The following NKD1 variants were observed in gnomAD, a reference collection of about 807,000 sequenced individuals.
NKD1 encodes NKD inhibitor of Wnt signaling pathway 1.
Under a neutral mutation model 56.0 loss-of-function variants are expected in NKD1, and 21 were observed. The observed-to-expected ratio is 0.38, with a 90% CI of 0.27 to 0.54. The LOEUF (loss-of-function observed/expected upper bound fraction) is 0.54. Ranked by LOEUF, NKD1 falls within the 20% of genes least tolerant of loss-of-function variation. NKD1 has a pLI of 0.82. For missense variants in NKD1, 578 were observed against 642.7 expected (o/e 0.90, Z 1.09); for synonymous variants, 263 against 265.7 (o/e 0.99, Z 0.10).
At chr16:50,561,049 G>C (rs774089586) in intron 3 of NKD1, among the ~76,000 whole-genome samples, 2 of 152,168 alleles carry the variant, frequency 1.3e-5, no homozygotes, top group Admixed American at 6.5e-5. Flanking sequence ...TTTCTGAGCT[G>C]TTTGGTTTGT....
At chr16:50,616,740 G>A (rs1191496768) in intron 4 of NKD1, among the ~76,000 whole-genome samples, 1 of 152,198 alleles carries the variant, frequency 6.6e-6, no homozygotes, top group Non-Finnish European at 1.5e-5. Flanking sequence ...GTGCTAGACT[G>A]AATGGCGGGA....
chr16:50,594,862 G>T (rs368687797), intron 3 of NKD1, among the ~76,000 whole-genome samples: 1 of 152,180 alleles, frequency 6.6e-6, no homozygotes. Flanking sequence ...GAGGTGGACT[G>T]CTATCAAAGG....
At chr16:50,577,166 A>T (rs1384411541) in intron 3 of NKD1, among the ~76,000 whole-genome samples, 1 of 152,190 alleles carries the variant, frequency 6.6e-6, no homozygotes, top group African/African-American at 2.4e-5. Context: ...ACCTTGGCCA[A>T]GTCACTACAC....
chr16:50,620,298 G>A (rs2151278513), intron 4 of NKD1, among the ~76,000 whole-genome samples: 1 of 152,360 alleles, frequency 6.6e-6, no homozygotes, highest in African/African-American at 2.4e-5. Flanking sequence ...GACTGCCCTT[G>A]GGTCCTTGCT....
In NKD1 at chr16:50,560,823, CATCTATCT is replaced by C. The variant is rs150440223; in HGVS notation, c.192+11302_192+11309del. The stretch of plus-strand genomic sequence containing the variant: ...CTTTACACACACCTATACCCAAACC[CATCTATCT>C]ATCTATCTATCTATCTATCTATCTA... On this transcript the variant is annotated intron_variant, in intron 3 of 9. Coordinates refer to ENST00000268459, the MANE Select transcript of NKD1 (RefSeq NM_033119.5). 1.1e-4 allele frequency among the ~76,000 whole-genome samples: 16 copies of C among 148,660 alleles called. No homozygotes were observed. The East Asian group carries it at 1.2e-3, about 11-fold the overall frequency.
In NKD1 at chr16:50,630,123, G is replaced by A. The variant is rs144511478; in HGVS notation, c.463-63G>A. 4,147 of 1,527,956 alleles carry A rather than the reference G, an allele frequency of 2.7e-3. 25 individuals carry two copies. The highest frequency in any genetic ancestry group is 0.011 in the Middle Eastern group (65 of 5,842). 94.6% of individuals were successfully genotyped at this position (1,527,956 alleles called of 1,614,324 possible). A position where few individuals can be genotyped will look rare whatever the true frequency, so the allele number is the denominator to read the frequency against. ...CCTGCAGCGTCCACCAGGCCCTCTG[G>A]TTTGTATTTTCAAGGCCCTGTGACT... On this transcript the variant is annotated intron_variant, in intron 6 of 9. Transcript: ENST00000268459.
At chr16:50,563,203 C>T (rs974807524) in intron 3 of NKD1, among the ~76,000 whole-genome samples, 1 of 152,256 alleles carries the variant, frequency 6.6e-6, no homozygotes, top group Non-Finnish European at 1.5e-5. Flanking sequence ...ACTTAAATAG[C>T]CCCATGAGGC....
chr16:50,632,412 A>G lies in NKD1; in HGVS notation c.823+4A>G. 1.2e-6 allele frequency: 2 copies of G among 1,614,124 alleles called. No homozygotes were observed. The highest frequency in any genetic ancestry group is 1.7e-6 in the Non-Finnish European group (2 of 1,179,984). On this transcript the variant is annotated splice_donor_region_variant and intron_variant, in intron 9 of 9. Transcript: ENST00000268459. This position sits in a 1 kb window ranked among gnomAD's most constrained non-coding sequence, Gnocchi z 4.1. Reference sequence around the variant, plus strand: ...TACACGTCCCAATTTGGGCCTGGTAAGGGACTCAAGCACCCTGCAATGGGC... The same window carrying G: ...TACACGTCCCAATTTGGGCCTGGTAGGGGACTCAAGCACCCTGCAATGGGC...
At position 50,642,777 on chromosome 16, in the gene NKD1, G is replaced by A. The variant is rs932549222; in HGVS notation, c.*8996G>A. 2.0e-5 allele frequency: 3 copies of A among 152,236 alleles called. No homozygotes were observed. The highest frequency in any genetic ancestry group is 1.9e-4 in the East Asian group (1 of 5,200). 9.4% of individuals were successfully genotyped at this position (152,236 alleles called of 1,614,324 possible). A position where few individuals can be genotyped will look rare whatever the true frequency, so the allele number is the denominator to read the frequency against. ...ATGAAGGGTACCTGTCCTCCACCCCGGCTGCAGAGCCCCCAGTGAGACAGC... is the reference window on the plus strand; with the variant it reads ...ATGAAGGGTACCTGTCCTCCACCCCAGCTGCAGAGCCCCCAGTGAGACAGC... On this transcript the variant is annotated 3_prime_UTR_variant, in exon 10 of 10. Transcript: ENST00000268459.
rs552598000 is a variant in NKD1, at chr16:50,617,315, G to A, written c.260-4287G>A. Among the ~76,000 whole-genome samples the A allele has an allele frequency of 3.9e-5, 6 of 152,218 alleles. No individual in the cohort carries two copies. The South Asian group carries it at 1.2e-3, about 32-fold the overall frequency. On this transcript the variant is annotated intron_variant, in intron 4 of 9. Coordinates refer to ENST00000268459, the MANE Select transcript of NKD1 (RefSeq NM_033119.5). ...CCTCCCTTTTTTAAACTGGGGGAGG[G>A]GAGAGGGAAGAGACTGTCTTTGATC... is the stretch of plus-strand genomic sequence containing the variant.
intron 4 of NKD1, among the ~76,000 whole-genome samples, chr16:50,610,422 CACCCCAGGG>C (rs1961818139): frequency 6.6e-6 from 1 of 152,168 alleles, no homozygotes; most frequent in Non-Finnish European, 1.5e-5. Flanking sequence ...CGAGGCCTCC[CACCCCAGGG>C]TGGGGGATAT....
chr16:50,576,658 A>G (rs1051159417), intron 3 of NKD1, among the ~76,000 whole-genome samples: 4 of 151,424 alleles, frequency 2.6e-5, no homozygotes, highest in African/African-American at 9.7e-5. Flanking sequence ...TGATGATTTC[A>G]TGGGTGTACC....
At chr16:50,624,076 T>TG (rs1214147639) in intron 5 of NKD1, among the ~76,000 whole-genome samples, 3 of 152,220 alleles carry the variant, frequency 2.0e-5, no homozygotes, top group Admixed American at 2.0e-4. Flanking sequence ...CACTAGCATT[T>TG]GTAGGCAGGT....
rs762174756 is a variant in NKD1 at position 50,608,311 on chromosome 16, G to A, written c.210G>A (p.Val70=). The A allele has an allele frequency of 6.2e-7, 1 of 1,613,458 alleles. No individual in the cohort carries two copies. The highest frequency in any genetic ancestry group is 8.5e-7 in the Non-Finnish European group (1 of 1,179,618). ...GRSTRELVGD[V]LRDTLSEEEE... is the part of the protein sequence containing the mutation. Reference sequence around the variant, plus strand: ...TCTTGTAGGAGCTCGTGGGCGACGTGTTGAGAGACACGCTCAGCGAGGAAG... The same window carrying A: ...TCTTGTAGGAGCTCGTGGGCGACGTATTGAGAGACACGCTCAGCGAGGAAG... The change falls in exon 4 of 10, where the codon GTG becomes GTA. Residue 70 remains valine, a synonymous_variant. Coordinates refer to ENST00000268459, the MANE Select transcript of NKD1 (RefSeq NM_033119.5).
In NKD1 at chr16:50,566,543, CG is replaced by C. The variant is rs537668261; in HGVS notation, c.192+16989del. Among the ~76,000 whole-genome samples, 361 of 152,320 alleles carry C rather than the reference CG, an allele frequency of 2.4e-3. 1 individual carries two copies. Among genetic ancestry groups the C allele is most frequent in the African/African-American group, 8.1e-3 (337 of 41,564 alleles). On this transcript the variant is annotated intron_variant, in intron 3 of 9. Transcript: ENST00000268459. The stretch of plus-strand genomic sequence containing the variant: ...TGGAGGCTGGGATCACCCCCGTCCC[CG>C]CATCCCTTGAACCTCCCTAATGAGA...
chr16:50,575,285 G>A (rs1482115246), intron 3 of NKD1: 1 of 985,320 alleles, frequency 1.0e-6, no homozygotes, highest in Non-Finnish European at 1.2e-6. Context: ...AGATTCACCA[G>A]TGCCCAGAGG....
chr16:50,554,642 A>G (rs920535873), intron 3 of NKD1, among the ~76,000 whole-genome samples: 2 of 152,028 alleles, frequency 1.3e-5, no homozygotes, highest in Non-Finnish European at 2.9e-5. Context: ...GTTTATTATT[A>G]TTATTTTTTA....
chr16:50,588,598 CTTTTTTTT>C lies in NKD1; in HGVS notation c.193-19679_193-19672del, dbSNP rs574622414. ...GTTTCTTTTCTTTTCTTTTCTTCTG[CTTTTTTTT>C]TTTTTTTTTTTTTTTTGACAGAGTC... is the stretch of plus-strand genomic sequence containing the variant. On this transcript the variant is annotated intron_variant, in intron 3 of 9. Transcript: ENST00000268459. Among the ~76,000 whole-genome samples the C allele has an allele frequency of 4.9e-3, 468 of 94,690 alleles. 3 individuals are homozygous for C. The highest frequency in any genetic ancestry group is 0.019 in the African/African-American group (457 of 24,272). 62.1% of individuals were successfully genotyped at this position (94,690 alleles called of 152,430 possible). A position where few individuals can be genotyped will look rare whatever the true frequency, so the allele number is the denominator to read the frequency against.
chr16:50,584,056 T>C (rs964999059), intron 3 of NKD1, among the ~76,000 whole-genome samples: 2 of 152,210 alleles, frequency 1.3e-5, no homozygotes, highest in Non-Finnish European at 2.9e-5. Context: ...TAAGACTTAG[T>C]TATTCCTCCC....
Sources: allele counts gnomAD v4.1 joint callset (sites outside exome capture counted in the v4.1 genomes callset), GRCh38; gene constraint gnomAD v4.1.1; non-coding constraint Gnocchi (gnomAD v3.1); transcripts MANE v1.5; gene names NCBI Gene and HGNC (gene_info 2026-07-23, HGNC 2026-07-21).